The following TMEM74 variants were observed in gnomAD, a reference collection of about 807,000 sequenced individuals.
The protein encoded by TMEM74 is transmembrane protein 74.
A neutral mutation model predicts 18.1 loss-of-function variants in TMEM74; 13 were observed. The ratio of observed to expected loss-of-function variants is 0.72; its 90% CI spans 0.47 to 1.14. The LOEUF (loss-of-function observed/expected upper bound fraction) is 1.14. TMEM74 is among the 50% of genes most tolerant of loss of function. The pLI is 0.00. For synonymous variants in TMEM74, 159 were observed against 146.6 expected (o/e 1.08, Z -0.61); for missense variants, 372 against 375.9 (o/e 0.99, Z 0.09).
chr8:108,663,698 G>T (rs990591568), intron 1 of TMEM74, among the ~76,000 whole-genome samples: 5 of 152,024 alleles, frequency 3.3e-5, no homozygotes, highest in African/African-American at 1.2e-4. Context: ...AGCAAAGACA[G>T]GAAATCAACC....
intron 2 of TMEM74, among the ~76,000 whole-genome samples, chr8:108,647,102 G>A (rs1417669731): frequency 6.6e-6 from 1 of 152,014 alleles, no homozygotes; most frequent in East Asian, 1.9e-4. Context: ...CTCATGTTGT[G>A]TCTGCAGTTC....
At chr8:108,648,913 G>T (rs562156625) in intron 2 of TMEM74, among the ~76,000 whole-genome samples, 1 of 152,106 alleles carries the variant, frequency 6.6e-6, no homozygotes, top group Non-Finnish European at 1.5e-5. Context: ...CACAGGAACC[G>T]CTAAACAATA....
chr8:108,674,650 A>G (rs1813035198), intron 1 of TMEM74, among the ~76,000 whole-genome samples: 1 of 152,206 alleles, frequency 6.6e-6, no homozygotes, highest in Non-Finnish European at 1.5e-5. Flanking sequence ...GACTTGATCT[A>G]TAAGAGAAGT....
chr8:108,663,171 G>T (rs1812917430), intron 1 of TMEM74, among the ~76,000 whole-genome samples: 1 of 152,076 alleles, frequency 6.6e-6, no homozygotes, highest in Non-Finnish European at 1.5e-5. Flanking sequence ...CAGAGGAAGA[G>T]AAATTTTTTT....
intron 2 of TMEM74, among the ~76,000 whole-genome samples, chr8:108,641,332 A>G (rs1043781381): frequency 2.6e-5 from 4 of 152,188 alleles, no homozygotes; most frequent in African/African-American, 9.6e-5. Flanking sequence ...AAAATACAAA[A>G]TACATGCCTT....
chr8:108,766,928 G>T (rs1437900349), intron 1 of TMEM74, among the ~76,000 whole-genome samples: 2 of 152,118 alleles, frequency 1.3e-5, no homozygotes, highest in African/African-American at 4.8e-5. Context: ...AAAGATGAAG[G>T]CCGGAATACT....
chr8:108,758,731 T>A (rs919202865), intron 1 of TMEM74, among the ~76,000 whole-genome samples: 3 of 152,104 alleles, frequency 2.0e-5, no homozygotes, highest in African/African-American at 7.2e-5. Context: ...ATGTTCATTA[T>A]CATATTGTTT....
intron 2 of TMEM74, among the ~76,000 whole-genome samples, chr8:108,649,087 C>A (rs1341405781): frequency 6.6e-6 from 1 of 152,094 alleles, no homozygotes; most frequent in Non-Finnish European, 1.5e-5. Flanking sequence ...CCAGTACAAC[C>A]TGGTTGTCTG....
rs2129669141 is a variant in TMEM74 at position 108,783,986 on chromosome 8, G to T, written c.*195C>A. 2.2e-6 allele frequency: 1 copy of T among 460,838 alleles called. No homozygotes were observed. Among genetic ancestry groups the T allele is most frequent in the East Asian group, 3.5e-5 (1 of 28,544 alleles). 28.5% of individuals were successfully genotyped at this position (460,838 alleles called of 1,614,324 possible). On this transcript the variant is annotated 3_prime_UTR_variant, in exon 2 of 2. Coordinates refer to ENST00000297459, the MANE Select transcript of TMEM74 (RefSeq NM_153015.3). ...TTCAGAAGGATAGGTGTGGCTGGTTGTGGTTTCTTATACATCTTACATGGC... is the reference window on the plus strand; with the variant it reads ...TTCAGAAGGATAGGTGTGGCTGGTTTTGGTTTCTTATACATCTTACATGGC...
At chr8:108,750,864 C>T (rs1383929392) in intron 1 of TMEM74, among the ~76,000 whole-genome samples, 1 of 152,072 alleles carries the variant, frequency 6.6e-6, no homozygotes. Flanking sequence ...GACCTTGGTG[C>T]CTGCTTGGGT....
At chr8:108,707,101 C>T (rs1019442421) in intron 1 of TMEM74, among the ~76,000 whole-genome samples, 8 of 149,126 alleles carry the variant, frequency 5.4e-5, no homozygotes, top group African/African-American at 1.5e-4. Context: ...AACCAAACAC[C>T]GCATGTTCTC....
At chr8:108,732,698 A>C (rs1189274063) in intron 1 of TMEM74, among the ~76,000 whole-genome samples, 1 of 152,046 alleles carries the variant, frequency 6.6e-6, no homozygotes, top group African/African-American at 2.4e-5. Flanking sequence ...CAGCTTCTGC[A>C]TTATGACATA....
chr8:108,629,125 A>G (rs539176539), intron 2 of TMEM74, among the ~76,000 whole-genome samples: 22 of 152,048 alleles, frequency 1.4e-4, no homozygotes, highest in Non-Finnish European at 2.5e-4. Flanking sequence ...TAACCAGTTT[A>G]GAGGAGAACA....
intron 2 of TMEM74, among the ~76,000 whole-genome samples, chr8:108,632,290 A>G (rs1812560409): frequency 6.6e-6 from 1 of 152,018 alleles, no homozygotes; most frequent in African/African-American, 2.4e-5. Context: ...GCTATCTTTA[A>G]GAAAGAAGAG....
intron 1 of TMEM74, among the ~76,000 whole-genome samples, chr8:108,747,555 CTT>C (rs1451513881): frequency 1.3e-5 from 2 of 151,624 alleles, no homozygotes; most frequent in African/African-American, 4.8e-5. Context: ...CTCTCTCTCT[CTT>C]TTTTTTAAAT....
intron 1 of TMEM74, among the ~76,000 whole-genome samples, chr8:108,773,326 A>C (rs1434071346): frequency 6.6e-6 from 1 of 152,192 alleles, no homozygotes; most frequent in African/African-American, 2.4e-5. Context: ...TATATCCTAA[A>C]AAAAGATACA....
At chr8:108,624,572 A>G (rs1047564888) in intron 2 of TMEM74, among the ~76,000 whole-genome samples, 2 of 152,118 alleles carry the variant, frequency 1.3e-5, no homozygotes, top group Admixed American at 6.6e-5. Flanking sequence ...AACTATACAT[A>G]TCTTATTTAA....
chr8:108,768,764 G>A (rs1814138171), intron 1 of TMEM74, among the ~76,000 whole-genome samples: 1 of 152,122 alleles, frequency 6.6e-6, no homozygotes, highest in Non-Finnish European at 1.5e-5. Context: ...ACCTTCACCT[G>A]TTTCCCTAAG....
rs56357439 is a variant in TMEM74 at position 108,702,308 on chromosome 8, G to A, written n.120-46871C>T. ...TGCAGTGAGCCGAGATTGAGCCACT[G>A]CACTCCAGCCCTGGCGACGGTGTGA... On this transcript the variant is annotated intron_variant and non_coding_transcript_variant, in intron 1 of 3. Transcript: ENST00000518838. Among the ~76,000 whole-genome samples the A allele has an allele frequency of 8.4e-3, 1,213 of 144,284 alleles. 14 individuals are homozygous for A. Among genetic ancestry groups the A allele is most frequent in the Middle Eastern group, 0.077 (21 of 272 alleles). The allele number at this position is 144,284 out of a possible 152,430, so 94.7% of individuals were successfully genotyped here.
Sources: gnomAD v4.1 joint callset for allele counts (sites outside exome capture counted in the v4.1 genomes callset) on GRCh38, gnomAD v4.1.1 for gene constraint, MANE v1.5 for transcripts, NCBI Gene and HGNC (gene_info 2026-07-23, HGNC 2026-07-21) for gene names.